Variants in GPR149 observed in about 807,000 individuals in gnomAD.
GPR149 encodes the protein probable G protein-coupled receptor 149.
A neutral mutation model predicts 50.2 loss-of-function variants in GPR149; 50 were observed. The ratio of observed to expected loss-of-function variants is 1.00; its 90% CI spans 0.79 to 1.26. The LOEUF (loss-of-function observed/expected upper bound fraction) is 1.26. Ranked by LOEUF, GPR149 falls within the 50% of genes most tolerant of loss-of-function variation. The pLI is 0.00. For synonymous variants in GPR149, 405 were observed against 358.2 expected, an observed-to-expected ratio of 1.13 and a Z score of -1.48; for missense variants, 983 against 895.4, an observed-to-expected ratio of 1.10 and a Z score of -1.25.
At chr3:154,378,899 A>T (rs1292751026) in intron 3 of GPR149, among the ~76,000 whole-genome samples, 3 of 152,134 alleles carry the variant, frequency 2.0e-5, no homozygotes, top group Non-Finnish European at 2.9e-5. Flanking sequence ...AAACTGGCTA[A>T]ATTAGGTTGT....
At position 154,356,314 on chromosome 3, in the gene GPR149, G is replaced by A. The variant is rs72998640; in HGVS notation, c.1624-18043C>T. The stretch of plus-strand genomic sequence containing the variant: ...CAACTGTGAGTCACTGAATTTGAAT[G>A]TGGAAGTTCTGGCCAGGGCAATCAG... On this transcript the variant is annotated intron_variant, in intron 3 of 3. Transcript: ENST00000389740. 5.7e-3 allele frequency among the ~76,000 whole-genome samples: 869 copies of A among 152,106 alleles called. 12 individuals carry two copies. The highest frequency in any genetic ancestry group is 0.02 in the African/African-American group (810 of 41,500).
intron 3 of GPR149, among the ~76,000 whole-genome samples, chr3:154,410,574 C>A (rs1048714004): frequency 2.0e-5 from 3 of 152,052 alleles, no homozygotes; most frequent in African/African-American, 7.2e-5. Context: ...TGTAAAGTAG[C>A]AGCAGTTTAA....
intron 3 of GPR149, among the ~76,000 whole-genome samples, chr3:154,420,380 G>C (rs906012217): frequency 6.6e-6 from 1 of 151,920 alleles, no homozygotes; most frequent in African/African-American, 2.4e-5. Flanking sequence ...TTTTTGGAAG[G>C]CTGAGATCTA....
chr3:154,376,209 A>G (rs898568522), intron 3 of GPR149, among the ~76,000 whole-genome samples: 7 of 115,816 alleles, frequency 6.0e-5, no homozygotes, highest in African/African-American at 1.8e-4. Context: ...TCCTGTTTTT[A>G]TCATGTATTT....
intron 3 of GPR149, chr3:154,352,222 G>A: frequency 1.1e-6 from 1 of 892,398 alleles, no homozygotes; most frequent in Non-Finnish European, 1.7e-6. Context: ...CTTCCTGAGT[G>A]ACTCCCTTGT....
intron 3 of GPR149, among the ~76,000 whole-genome samples, chr3:154,341,256 G>C (rs1713785894): frequency 7.6e-6 from 1 of 131,392 alleles, no homozygotes; most frequent in South Asian, 2.4e-4. Flanking sequence ...TGTTCTGGAG[G>C]TCCTAGCTGT....
rs1438253704 is a variant in GPR149 at position 154,397,254 on chromosome 3, G to A, written c.1623+23785C>T. 2.0e-5 allele frequency among the ~76,000 whole-genome samples: 3 copies of A among 152,232 alleles called. No homozygotes were observed. The Middle Eastern group carries it at 0.01, about 521-fold the overall frequency. On this transcript the variant is annotated intron_variant, in intron 3 of 3. Transcript: ENST00000389740. ...AGAGCAAGAATCAAATTTTAAGAAG[G>A]GTCAGAAAAGACCAGTCTAAGAGAG... is the stretch of plus-strand genomic sequence containing the variant.
intron 3 of GPR149, among the ~76,000 whole-genome samples, chr3:154,357,303 A>C (rs985999503): frequency 6.6e-6 from 1 of 152,140 alleles, no homozygotes; most frequent in African/African-American, 2.4e-5. Flanking sequence ...CACCAAAACC[A>C]ATGGCAACAA....
At chr3:154,375,287 T>G (rs1161962372) in intron 3 of GPR149, among the ~76,000 whole-genome samples, 1 of 152,198 alleles carries the variant, frequency 6.6e-6, no homozygotes, top group Non-Finnish European at 1.5e-5. Context: ...ACATGTTGTA[T>G]TAATTCAAAT....
At chr3:154,427,834 T>G in intron 1 of GPR149, 126 bp from the exon 2 acceptor site, 2 of 896,064 alleles carry the variant, frequency 2.2e-6, no homozygotes, top group Non-Finnish European at 3.3e-6. Context: ...CGGGGACCTC[T>G]GCTACGGAGC....
intron 3 of GPR149, chr3:154,353,242 A>G (rs1714128809): frequency 6.7e-7 from 1 of 1,484,414 alleles, no homozygotes; most frequent in African/African-American, 1.4e-5. Context: ...TGAATGGCCA[A>G]GTGTTCCACA....
At position 154,421,450 on chromosome 3, in the gene GPR149, T is replaced by A; in HGVS notation, c.1212A>T (p.Gln404His). Residue 404 changes from glutamine to histidine, a missense_variant, in exon 3 of 4, where the codon CAA becomes CAT. Physicochemically the swap from Gln to His is conservative, Grantham distance 24. Transcript: ENST00000389740. ...CTATTTTATAAATCCCATAACTTTT[T>A]TGGAATGATAGATTGAATTCAAAGC... ...RKGFEFNLSF[Q>H]KSYGIYKIAH... The A allele has an allele frequency of 6.3e-7, 1 of 1,595,416 alleles. No homozygotes were observed. Among genetic ancestry groups the A allele is most frequent in the Non-Finnish European group, 8.5e-7 (1 of 1,171,808 alleles).
chr3:154,378,801 G>T (rs1045232654), intron 3 of GPR149, among the ~76,000 whole-genome samples: 1 of 152,048 alleles, frequency 6.6e-6, no homozygotes, highest in South Asian at 2.1e-4. Context: ...ATTTCTGTTT[G>T]TCTAATGATT....
intron 3 of GPR149, among the ~76,000 whole-genome samples, chr3:154,343,320 C>T (rs1176045448): frequency 6.6e-6 from 1 of 152,018 alleles, no homozygotes; most frequent in Non-Finnish European, 1.5e-5. Flanking sequence ...AGTGGCTTGG[C>T]ATTTCACTTT....
intron 3 of GPR149, among the ~76,000 whole-genome samples, chr3:154,342,397 G>C (rs1413146062): frequency 1.3e-5 from 2 of 152,208 alleles, no homozygotes; most frequent in East Asian, 3.9e-4. Context: ...TGTGCAATTT[G>C]ACCAATTATT....
intron 3 of GPR149, among the ~76,000 whole-genome samples, chr3:154,406,208 AC>A (rs1433017548): frequency 4.6e-5 from 7 of 152,294 alleles, no homozygotes; most frequent in African/African-American, 1.7e-4. Flanking sequence ...ATTTAAAACA[AC>A]CCTGAGAAAT....
chr3:154,397,476 T>TTA (rs1715321333), intron 3 of GPR149, among the ~76,000 whole-genome samples: 1 of 152,198 alleles, frequency 6.6e-6, no homozygotes, highest in African/African-American at 2.4e-5. Flanking sequence ...TAAAAATAAA[T>TTA]TATATAAACT....
At chr3:154,384,902 G>C (rs1458332279) in intron 3 of GPR149, among the ~76,000 whole-genome samples, 1 of 152,204 alleles carries the variant, frequency 6.6e-6, no homozygotes, top group African/African-American at 2.4e-5. Context: ...GGGCAGAAGA[G>C]GGCAAAATAC....
At chr3:154,365,269 G>C (rs958541674) in intron 3 of GPR149, among the ~76,000 whole-genome samples, 4 of 152,160 alleles carry the variant, frequency 2.6e-5, no homozygotes, top group Non-Finnish European at 5.9e-5. Context: ...CAAACCCCAA[G>C]GTTCCACAGG....
Sources: allele counts gnomAD v4.1 joint callset (sites outside exome capture counted in the v4.1 genomes callset), GRCh38; gene constraint gnomAD v4.1.1; transcripts MANE v1.5; gene names NCBI Gene and HGNC (gene_info 2026-07-23, HGNC 2026-07-21).